The following DLG2 variants were observed in gnomAD, a reference collection of about 807,000 sequenced individuals.
DLG2 encodes the protein discs large MAGUK scaffold protein 2.
A neutral mutation model predicts 132.5 loss-of-function variants in DLG2; 45 were observed. That is an observed-to-expected ratio of 0.34 (90% CI 0.27 to 0.44). The LOEUF (loss-of-function observed/expected upper bound fraction) is 0.44, where lower values mean the gene tolerates loss of function less well. Among genes scored for constraint, DLG2 ranks in the 20% least tolerant of loss-of-function variants. The pLI is 1.00. For synonymous variants in DLG2, 424 were observed against 419.6 expected (o/e 1.01, Z -0.13); for missense variants, 1,045 against 1,196.9 (o/e 0.87, Z 1.87).
chr11:83,905,235 A>C (rs1159165133), intron 15 of DLG2, among the ~76,000 whole-genome samples: 1 of 152,188 alleles, frequency 6.6e-6, no homozygotes, highest in Non-Finnish European at 1.5e-5. Flanking sequence ...GTAGGTGAGG[A>C]AACTGAGGCA....
intron 3 of DLG2, among the ~76,000 whole-genome samples, chr11:85,332,752 A>G (rs879496831): frequency 9.9e-5 from 15 of 152,110 alleles, no homozygotes; most frequent in Non-Finnish European, 1.3e-4. Flanking sequence ...CCTCTCAAAG[A>G]TCAGATGACT....
chr11:85,246,934 CCA>C (rs1232742538), intron 4 of DLG2, among the ~76,000 whole-genome samples: 2 of 152,024 alleles, frequency 1.3e-5, no homozygotes, highest in Non-Finnish European at 2.9e-5. Flanking sequence ...GCTGGGGAAC[CCA>C]CTAGAATAGC....
chr11:83,682,360 G>T, intron 18 of DLG2: 1 of 985,330 alleles, frequency 1.0e-6, no homozygotes, highest in Non-Finnish European at 1.2e-6. Context: ...CATCACAGGG[G>T]GTGACCATGC....
rs763651065 is a variant in DLG2 at position 84,987,818 on chromosome 11, C to T, written c.357+123843G>A. On this transcript the variant is annotated intron_variant, in intron 6 of 27. Transcript: ENST00000376104. ...TGAGACCTGAAACTATAAAAATTCT[C>T]GATGATAACATTGGAAAATCCCTTC... Among the ~76,000 whole-genome samples the T allele has an allele frequency of 3.9e-4, 60 of 152,004 alleles. 1 individual carries two copies. The highest frequency in any genetic ancestry group is 8.5e-4 in the African/African-American group (35 of 41,400).
intron 7 of DLG2, among the ~76,000 whole-genome samples, chr11:84,406,446 G>GC (rs2098850052): frequency 1.3e-5 from 2 of 152,126 alleles, no homozygotes; most frequent in Admixed American, 1.3e-4. Context: ...AGCCTGCCAA[G>GC]TACCTGCAAG....
At chr11:84,951,891 G>A (rs78713004) in intron 6 of DLG2, among the ~76,000 whole-genome samples, 2 of 151,902 alleles carry the variant, frequency 1.3e-5, no homozygotes, top group African/African-American at 4.8e-5. Context: ...TATTCTTACT[G>A]CATTTAAAAT....
At chr11:85,415,680 T>C (rs138703821) in intron 3 of DLG2, among the ~76,000 whole-genome samples, 1 of 152,174 alleles carries the variant, frequency 6.6e-6, no homozygotes, top group Non-Finnish European at 1.5e-5. Flanking sequence ...TCTGTTCATA[T>C]CCTTTGCCCA....
rs116077646 is a variant in DLG2 at position 85,456,470 on chromosome 11, G to T, written c.40+142187C>A. On this transcript the variant is annotated intron_variant, in intron 3 of 27. Coordinates refer to ENST00000376104, the MANE Select transcript of DLG2 (RefSeq NM_001142699.3). The stretch of plus-strand genomic sequence containing the variant: ...TGTTTTCACATCTCAAATTCCTTCA[G>T]TTCAGCTCTAATTTTGGTTATTTCT... Among the ~76,000 whole-genome samples the T allele has an allele frequency of 4.4e-3, 669 of 152,210 alleles. 6 individuals carry two copies. Among genetic ancestry groups the T allele is most frequent in the African/African-American group, 0.015 (639 of 41,532 alleles).
intron 6 of DLG2, among the ~76,000 whole-genome samples, chr11:84,818,303 T>C (rs1040239068): frequency 6.6e-6 from 1 of 151,968 alleles, no homozygotes; most frequent in Non-Finnish European, 1.5e-5. Context: ...AGTCAGTAAA[T>C]GTATGTTTCG....
chr11:85,039,295 T>A (rs2154148426), intron 6 of DLG2, among the ~76,000 whole-genome samples: 1 of 144,144 alleles, frequency 6.9e-6, no homozygotes, highest in South Asian at 2.3e-4. Flanking sequence ...CCCCAAAGTT[T>A]GCCGTCTCTC....
intron 3 of DLG2, among the ~76,000 whole-genome samples, chr11:85,473,080 T>C (rs2093035972): frequency 1.3e-5 from 2 of 152,238 alleles, no homozygotes; most frequent in African/African-American, 4.8e-5. Flanking sequence ...TGGAAGCCTC[T>C]TGCAGTACGT....
chr11:85,340,216 A>G (rs113734295), intron 3 of DLG2, among the ~76,000 whole-genome samples: 1 of 152,226 alleles, frequency 6.6e-6, no homozygotes, highest in African/African-American at 2.4e-5. Context: ...ACTATTCACA[A>G]TAGCAAAGAC....
At chr11:83,588,489 A>C (rs921854311) in intron 19 of DLG2, among the ~76,000 whole-genome samples, 1 of 151,578 alleles carries the variant, frequency 6.6e-6, no homozygotes, top group African/African-American at 2.4e-5. Context: ...TCTGTACATC[A>C]CCATCACCAT....
chr11:84,785,207 C>T (rs2072657090), intron 6 of DLG2, among the ~76,000 whole-genome samples: 1 of 151,998 alleles, frequency 6.6e-6, no homozygotes, highest in African/African-American at 2.4e-5. Flanking sequence ...CTCATTCTAT[C>T]ACTCTCCTCT....
chr11:84,066,671 G>T (rs763375997), intron 10 of DLG2, among the ~76,000 whole-genome samples: 4 of 152,152 alleles, frequency 2.6e-5, no homozygotes, highest in Middle Eastern at 3.2e-3. Context: ...TGAGGCAGGA[G>T]AATCGCTTGA....
intron 6 of DLG2, among the ~76,000 whole-genome samples, chr11:84,793,600 A>G (rs1215210621): frequency 6.6e-6 from 1 of 152,210 alleles, no homozygotes; most frequent in Non-Finnish European, 1.5e-5. Flanking sequence ...GGCTGCATAT[A>G]TATTCACAAT....
At chr11:83,885,366 A>T (rs1019959171) in intron 15 of DLG2, among the ~76,000 whole-genome samples, 5 of 152,244 alleles carry the variant, frequency 3.3e-5, no homozygotes, top group Admixed American at 1.3e-4. Context: ...GATGAAATGA[A>T]TGAAATGAAG....
intron 11 of DLG2, among the ~76,000 whole-genome samples, chr11:84,047,483 C>T (rs2096264996): frequency 6.6e-6 from 1 of 151,398 alleles, no homozygotes; most frequent in Admixed American, 6.6e-5. Flanking sequence ...TTGTATTTAC[C>T]ACAGCAGCAT....
chr11:83,486,716 C>T (rs915426065), intron 21 of DLG2, among the ~76,000 whole-genome samples: 8 of 151,952 alleles, frequency 5.3e-5, no homozygotes, highest in African/African-American at 1.9e-4. Flanking sequence ...ACATGTCAGT[C>T]TTATTAGCAA....
Sources: allele counts gnomAD v4.1 joint callset (sites outside exome capture counted in the v4.1 genomes callset), GRCh38; gene constraint gnomAD v4.1.1; transcripts MANE v1.5; gene names NCBI Gene and HGNC (gene_info 2026-07-23, HGNC 2026-07-21).